Variants in UBR3 observed in about 807,000 individuals in gnomAD.
The protein encoded by UBR3 is E3 ubiquitin-protein ligase UBR3.
UBR3 carries 85 observed loss-of-function variants against 243.2 expected under a neutral mutation model. The ratio of observed to expected loss-of-function variants is 0.35; its 90% CI spans 0.29 to 0.42. The LOEUF is 0.42. Among genes scored for constraint, UBR3 ranks in the 10% least tolerant of loss-of-function variants. The pLI is 1.00. For synonymous variants in UBR3, 748 were observed against 799.8 expected, an observed-to-expected ratio of 0.94 and a Z score of 1.09; for missense variants, 1,686 against 2,300.8, an observed-to-expected ratio of 0.73 and a Z score of 5.47.
intron 24 of UBR3, among the ~76,000 whole-genome samples, chr2:169,966,797 A>G (rs987062049): frequency 1.3e-5 from 2 of 152,230 alleles, no homozygotes; most frequent in Non-Finnish European, 2.9e-5. Flanking sequence ...CATAATAAGC[A>G]TTATATAAAC....
intron 24 of UBR3, among the ~76,000 whole-genome samples, chr2:169,974,876 G>A (rs563274317): frequency 6.6e-6 from 1 of 152,172 alleles, no homozygotes; most frequent in African/African-American, 2.4e-5. Context: ...TTTGTTTCAA[G>A]AAACTTTTAA....
intron 35 of UBR3, among the ~76,000 whole-genome samples, chr2:170,068,253 G>A (rs564600713): frequency 6.6e-6 from 1 of 152,134 alleles, no homozygotes; most frequent in East Asian, 1.9e-4. Flanking sequence ...GGCAGATCAC[G>A]AGGTCAGGAG....
intron 31 of UBR3, among the ~76,000 whole-genome samples, chr2:170,037,449 G>A (rs1271109162): frequency 7.2e-5 from 11 of 151,998 alleles, no homozygotes; most frequent in Non-Finnish European, 1.3e-4. Context: ...ATGCAGTGGT[G>A]TGATCTTGGC....
Position 169,877,533 on chromosome 2 carries a change from A to T in UBR3, c.884A>T (p.Lys295Met). ...ENACVKKSHE[K>M]YLIALKSSGL... ...GCTTGTGTAAAGAAAAGTCATGAAA[A>T]GTACCTTATAGCTTTAAAGAGCTCT... The change falls in exon 4 of 39, where the codon AAG (lysine) becomes ATG (methionine). Residue 295 changes from lysine (K) to methionine (M), a missense_variant. By Grantham distance (95) the Lys-to-Met change is moderately conservative. Coordinates refer to ENST00000272793, the MANE Select transcript of UBR3 (RefSeq NM_172070.4). The T allele has an allele frequency of 6.5e-7, 1 of 1,543,548 alleles. No homozygotes were observed. The highest frequency in any genetic ancestry group is 1.2e-5 in the South Asian group (1 of 81,812).
intron 24 of UBR3, among the ~76,000 whole-genome samples, chr2:169,973,020 T>C (rs370870849): frequency 0.027 from 2,666 of 98,874 alleles, 39 homozygotes; most frequent in Non-Finnish European, 0.036. Context: ...AAAACCCCAT[T>C]GTCTCAGCCC....
At position 169,958,514 on chromosome 2, in the gene UBR3, G is replaced by T; in HGVS notation, c.3622G>T (p.Ala1208Ser). 1 of 1,612,566 alleles carries T rather than the reference G, an allele frequency of 6.2e-7. No homozygotes were observed. The highest frequency in any genetic ancestry group is 8.5e-7 in the Non-Finnish European group (1 of 1,179,080). Residue 1208 changes from alanine (A) to serine (S), a missense_variant, in exon 24 of 39, where the codon GCA (alanine) becomes TCA (serine). Ala to Ser is a moderately conservative substitution (Grantham distance 99). Transcript: ENST00000272793. ...ACGACAGAAAAGCTTTATGGAAACT[G>T]CAATGGATGTTGGTAAGTCAAAATT... Reference protein sequence around the residue: ...ASRQKSFMETAMDVDSPENDI... With the variant: ...ASRQKSFMETSMDVDSPENDI...
chr2:169,948,122 A>C (rs2086858195), intron 22 of UBR3, among the ~76,000 whole-genome samples: 1 of 151,682 alleles, frequency 6.6e-6, no homozygotes, highest in South Asian at 2.1e-4. Context: ...ATATTAAAGA[A>C]AATTTATATT....
At chr2:169,963,491 A>G (rs957109941) in intron 24 of UBR3, among the ~76,000 whole-genome samples, 1 of 150,260 alleles carries the variant, frequency 6.7e-6, no homozygotes, top group Non-Finnish European at 1.5e-5. Context: ...ATATTTCTTC[A>G]TTTTTTTTTC....
At chr2:169,950,299 G>C (rs1418314956) in intron 23 of UBR3, among the ~76,000 whole-genome samples, 1 of 152,152 alleles carries the variant, frequency 6.6e-6, no homozygotes, top group East Asian at 1.9e-4. Flanking sequence ...CCTTAAACCT[G>C]TGTGTCTCTT....
chr2:169,833,441 A>G (rs765452899), intron 1 of UBR3, among the ~76,000 whole-genome samples: 16 of 152,226 alleles, frequency 1.1e-4, no homozygotes, highest in Admixed American at 4.6e-4. Flanking sequence ...GCCAGAGGCC[A>G]GCACCTACTA....
At chr2:170,005,543 CCTG>C (rs1414556338) in intron 27 of UBR3, among the ~76,000 whole-genome samples, 5 of 152,052 alleles carry the variant, frequency 3.3e-5, no homozygotes, top group Admixed American at 3.3e-4. Context: ...ATAAGAAAAA[CCTG>C]ATGAACTGGG....
rs1553538960 is a variant in UBR3 at position 170,041,002 on chromosome 2, C to G, written c.4660+17C>G. 1 of 1,589,824 alleles carries G rather than the reference C, an allele frequency of 6.3e-7. No individual in the cohort carries two copies. The highest frequency in any genetic ancestry group is 8.6e-7 in the Non-Finnish European group (1 of 1,159,506). The stretch of plus-strand genomic sequence containing the variant: ...TACGCAAAGGTATGTCTTTATAATT[C>G]AGATTCTTTGATTATATACTATGTA... On this transcript the variant is annotated intron_variant, in intron 32 of 38. Coordinates refer to ENST00000272793, the MANE Select transcript of UBR3 (RefSeq NM_172070.4).
chr2:169,904,074 C>A (rs2084925924), intron 8 of UBR3, among the ~76,000 whole-genome samples: 1 of 152,114 alleles, frequency 6.6e-6, no homozygotes, highest in African/African-American at 2.4e-5. Context: ...ATAAAGCAAT[C>A]TGAGTGTAAA....
chr2:170,080,375 C>T, intron 37 of UBR3, 170 bp from the exon 38 acceptor site: 1 of 776,042 alleles, frequency 1.3e-6, no homozygotes, highest in Non-Finnish European at 1.9e-6. Flanking sequence ...ACCCAAATAC[C>T]TCCTAATGTA....
In UBR3 at chr2:169,903,356, A is replaced by G. The variant is rs562020025; in HGVS notation, c.1466-1758A>G. Among the ~76,000 whole-genome samples, 78 of 152,174 alleles carry G rather than the reference A, an allele frequency of 5.1e-4. 1 individual carries two copies. The highest frequency in any genetic ancestry group is 3.2e-4 in the Non-Finnish European group (22 of 68,038). ...ACAGTGATTCTCAATTTTTAACTTA[A>G]AAAAAATCCCAACATTCCTTAGCAC... On this transcript the variant is annotated intron_variant, in intron 8 of 38. Transcript: ENST00000272793.
At chr2:169,881,827 A>G (rs1480320539) in intron 5 of UBR3, among the ~76,000 whole-genome samples, 5 of 136,760 alleles carry the variant, frequency 3.7e-5, no homozygotes, top group South Asian at 2.2e-4. Flanking sequence ...ATAATTATAT[A>G]TGTATGTATA....
intron 24 of UBR3, among the ~76,000 whole-genome samples, chr2:169,979,581 A>G (rs892983023): frequency 9.2e-5 from 14 of 152,218 alleles, no homozygotes; most frequent in Non-Finnish European, 1.3e-4. Context: ...AAAAGGAATG[A>G]ACTATTAAGC....
intron 19 of UBR3, among the ~76,000 whole-genome samples, chr2:169,936,890 A>G (rs1010509885): frequency 9.9e-5 from 15 of 152,260 alleles, no homozygotes; most frequent in Middle Eastern, 6.8e-3. Flanking sequence ...CACGGTGTAT[A>G]TGTGCCACAT....
At position 169,895,461 on chromosome 2, in the gene UBR3, A is replaced by G; in HGVS notation, c.1236+150A>G. On this transcript the variant is annotated intron_variant, in intron 7 of 38. Transcript: ENST00000272793. The stretch of plus-strand genomic sequence containing the variant: ...CTTCTCTTGATAACACAAGTTCTTC[A>G]CAAAAGGCACAGTGTCTTAGCTTTG... The G allele has an allele frequency of 4.6e-6, 4 of 874,930 alleles. No homozygotes were observed. The South Asian group carries it at 7.8e-5, about 17-fold the overall frequency. The allele number at this position is 874,930 out of a possible 1,614,324, so 54.2% of individuals were successfully genotyped here. A position where few individuals can be genotyped will look rare whatever the true frequency, so the allele number is the denominator to read the frequency against.
Sources: allele counts gnomAD v4.1 joint callset (sites outside exome capture counted in the v4.1 genomes callset), GRCh38; gene constraint gnomAD v4.1.1; transcripts MANE v1.5; gene names NCBI Gene and HGNC (gene_info 2026-07-23, HGNC 2026-07-21).